PPP4R2: variants seen among roughly 807,000 people sequenced by gnomAD.
The protein encoded by PPP4R2 is serine/threonine-protein phosphatase 4 regulatory subunit 2.
PPP4R2 carries 13 observed loss-of-function variants against 47.2 expected under a neutral mutation model. That is an observed-to-expected ratio of 0.28 (90% CI 0.18 to 0.44). The LOEUF (loss-of-function observed/expected upper bound fraction) is 0.44. Among genes scored for constraint, PPP4R2 ranks in the 20% least tolerant of loss-of-function variants. The pLI is 1.00. For synonymous variants in PPP4R2, 151 were observed against 163.3 expected (o/e 0.92, Z 0.57); for missense variants, 421 against 491.2 (o/e 0.86, Z 1.35).
chr3:72,997,549 G>A (rs1404181491), intron 1 of PPP4R2: 1 of 164,732 alleles, frequency 6.1e-6, no homozygotes, highest in African/African-American at 2.4e-5. Flanking sequence ...CCCTAATTTC[G>A]AGGTGGTTGC....
In PPP4R2 at chr3:73,032,370, C is replaced by A. The variant is rs554072552; in HGVS notation, c.117-14816C>A. Among the ~76,000 whole-genome samples the A allele has an allele frequency of 4.6e-5, 7 of 151,830 alleles. No homozygotes were observed. The South Asian group carries it at 1.5e-3, about 32-fold the overall frequency. ...GTAGCATGATCTCGGCTCATTGCAA[C>A]CTCCAACTCCCTGGTTCAAGCGATT... On this transcript the variant is annotated intron_variant, in intron 2 of 8. Transcript: ENST00000356692.
intron 2 of PPP4R2, among the ~76,000 whole-genome samples, chr3:73,025,411 G>A (rs764670477): frequency 3.3e-5 from 5 of 152,026 alleles, no homozygotes; most frequent in Non-Finnish European, 5.9e-5. Context: ...TTGAATTGTT[G>A]AAATGCTTAT....
chr3:73,048,047 T>C (rs1021483976), intron 3 of PPP4R2, among the ~76,000 whole-genome samples: 1 of 152,086 alleles, frequency 6.6e-6, no homozygotes, highest in Non-Finnish European at 1.5e-5. Context: ...CGGCTAATTT[T>C]TGTATTTTTA....
At chr3:73,037,581 G>A (rs1575867088) in intron 2 of PPP4R2, among the ~76,000 whole-genome samples, 1 of 152,192 alleles carries the variant, frequency 6.6e-6, no homozygotes, top group South Asian at 2.1e-4. Flanking sequence ...AGTGCACACA[G>A]ACAGCAGCAC....
At chr3:73,032,537 C>T (rs1702186214) in intron 2 of PPP4R2, among the ~76,000 whole-genome samples, 1 of 152,094 alleles carries the variant, frequency 6.6e-6, no homozygotes, top group Admixed American at 6.6e-5. Context: ...TCTGCCCGCC[C>T]TGGCCTCCCA....
intron 2 of PPP4R2, among the ~76,000 whole-genome samples, chr3:73,021,765 A>G (rs1463235919): frequency 6.6e-6 from 1 of 151,802 alleles, no homozygotes; most frequent in African/African-American, 2.4e-5. Flanking sequence ...TGCGCTAGGT[A>G]TTGCGGGTGC....
chr3:73,050,945 G>A (rs900551965), intron 3 of PPP4R2, among the ~76,000 whole-genome samples: 2 of 151,880 alleles, frequency 1.3e-5, no homozygotes, highest in African/African-American at 4.8e-5. Flanking sequence ...ACAGAGTTTC[G>A]CTCTTGCTGC....
intron 4 of PPP4R2, among the ~76,000 whole-genome samples, chr3:73,059,641 T>C (rs1018072111): frequency 6.6e-6 from 1 of 151,976 alleles, no homozygotes; most frequent in South Asian, 2.1e-4. Context: ...GTATTCTGAA[T>C]AAAGGAAATG....
intron 2 of PPP4R2, among the ~76,000 whole-genome samples, chr3:73,043,371 GA>G (rs528138918): frequency 5.3e-5 from 8 of 152,152 alleles, no homozygotes; most frequent in Admixed American, 4.6e-4. Flanking sequence ...GGGAAAGGTG[GA>G]AAAAACTAAT....
chr3:73,059,055 G>C lies in PPP4R2; in HGVS notation c.306G>C (p.Gln102His), dbSNP rs1418019636. The stretch of plus-strand genomic sequence containing the variant: ...TTTGCAGTATCCCTTTTACTATTCA[G>C]CGACTATGTGAATTGTTAACAGATC... ...TGFNGIPFTI[Q>H]RLCELLTDPR... is the part of the protein sequence containing the mutation. The change falls in exon 4 of 9, where the codon CAG becomes CAC. Residue 102 changes from glutamine (Q) to histidine (H), a missense_variant. By Grantham distance (24) the Gln-to-His change is conservative (BLOSUM62 0). Coordinates refer to ENST00000356692, the MANE Select transcript of PPP4R2 (RefSeq NM_174907.4). 6.3e-7 allele frequency: 1 copy of C among 1,588,260 alleles called. No individual in the cohort carries two copies.
At chr3:73,021,878 G>A (rs558617767) in intron 2 of PPP4R2, among the ~76,000 whole-genome samples, 241 of 117,520 alleles carry the variant, frequency 2.1e-3, no homozygotes, top group African/African-American at 5.3e-3. Context: ...GTGTGTGTGT[G>A]TGTATATATG....
At chr3:73,021,156 A>C (rs1378983986) in intron 2 of PPP4R2, among the ~76,000 whole-genome samples, 2 of 152,100 alleles carry the variant, frequency 1.3e-5, no homozygotes, top group Admixed American at 6.6e-5. Context: ...TAAATGTTTT[A>C]AGTGAACTCA....
intron 2 of PPP4R2, among the ~76,000 whole-genome samples, chr3:73,004,844 GGTGTGTGTGTGTGT>G (rs751819640): frequency 1.0e-5 from 1 of 99,496 alleles, no homozygotes; most frequent in Non-Finnish European, 1.9e-5. Context: ...TACAGTGTGG[GGTGTGTGTGTGTGT>G]GTGTGTGTGT....
intron 2 of PPP4R2, among the ~76,000 whole-genome samples, chr3:73,027,309 G>A (rs1050552549): frequency 6.6e-6 from 1 of 152,236 alleles, no homozygotes. Context: ...TTGCATTTTA[G>A]TAGAGACGGG....
chr3:73,041,198 C>G (rs139471044), intron 2 of PPP4R2, among the ~76,000 whole-genome samples: 1 of 152,064 alleles, frequency 6.6e-6, no homozygotes, highest in Non-Finnish European at 1.5e-5. Flanking sequence ...TGTGCTTCTC[C>G]GCTCTCTTCT....
At chr3:73,062,812 G>T (rs747218500) in intron 5 of PPP4R2, 13 of 1,613,960 alleles carry the variant, frequency 8.1e-6, no homozygotes, top group Middle Eastern at 1.7e-4. Flanking sequence ...GGTTGGATCA[G>T]CTCAAGACCA....
chr3:73,002,637 T>TC (rs1559544680), intron 2 of PPP4R2, among the ~76,000 whole-genome samples: 15 of 74,606 alleles, frequency 2.0e-4, no homozygotes, highest in Non-Finnish European at 2.4e-4. Context: ...TTCTTTTCTT[T>TC]TTTTTTTTTT....
intron 2 of PPP4R2, among the ~76,000 whole-genome samples, chr3:73,022,762 G>A (rs1311099406): frequency 2.7e-5 from 4 of 146,444 alleles, no homozygotes; most frequent in Non-Finnish European, 6.0e-5. Context: ...GCAGCTTGCC[G>A]CATTTCTTTT....
At chr3:73,054,783 C>T (rs533757840) in intron 3 of PPP4R2, among the ~76,000 whole-genome samples, 217 of 152,104 alleles carry the variant, frequency 1.4e-3, no homozygotes, top group African/African-American at 5.0e-3. Context: ...GAATGAAGTG[C>T]GCACTTATTT....
Sources: allele counts gnomAD v4.1 joint callset (sites outside exome capture counted in the v4.1 genomes callset), GRCh38; gene constraint gnomAD v4.1.1; transcripts MANE v1.5; gene names NCBI Gene and HGNC (gene_info 2026-07-23, HGNC 2026-07-21).